The following ABCA4 variants were observed in gnomAD, a reference collection of about 807,000 sequenced individuals.
The protein encoded by ABCA4 is retinal-specific phospholipid-transporting ATPase ABCA4.
In ABCA4, 196 loss-of-function variants were observed where a neutral mutation model predicts 263.7. That is an observed-to-expected ratio of 0.74 (90% CI 0.66 to 0.84). ABCA4 has a LOEUF of 0.84. Ranked by LOEUF, ABCA4 falls within the 40% of genes least tolerant of loss-of-function variation. ABCA4 has a pLI of 0.00. For missense variants in ABCA4, 2,792 were observed against 2,855.1 expected (o/e 0.98, Z 0.50); for synonymous variants, 1,133 against 1,094.2 (o/e 1.04, Z -0.70).
rs767538553 is a variant in ABCA4, at chr1:94,040,020, A to G, written c.3607+23T>C. The G allele has an allele frequency of 7.0e-6, 11 of 1,579,210 alleles. No individual in the cohort carries two copies. The South Asian group carries it at 1.0e-4, about 15-fold the overall frequency. On this transcript the variant is annotated intron_variant, in intron 24 of 49. Transcript: ENST00000370225. ...GGAGATGGCTGCCAGACGGAACCCA[A>G]GTATGGCCCGTCCAGTCCTTACCAT...
At chr1:94,034,496 A>G (rs1660291559) in intron 26 of ABCA4, among the ~76,000 whole-genome samples, 3 of 152,064 alleles carry the variant, frequency 2.0e-5, no homozygotes, top group African/African-American at 7.2e-5. Context: ...GACCCTCTCC[A>G]TGCCACGCAT....
chr1:94,004,310 C>T (rs1236093146), intron 44 of ABCA4, among the ~76,000 whole-genome samples: 1 of 152,210 alleles, frequency 6.6e-6, no homozygotes, highest in East Asian at 1.9e-4. Flanking sequence ...TTGCTTTTCC[C>T]TTTTCCATAT....
chr1:94,073,145 C>T (rs1486676215), intron 11 of ABCA4, among the ~76,000 whole-genome samples: 1 of 152,208 alleles, frequency 6.6e-6, no homozygotes, highest in Non-Finnish European at 1.5e-5. Context: ...CTCCTCCAGA[C>T]TTCCCAAAAC....
chr1:94,055,289 T>C lies in ABCA4; in HGVS notation c.2409A>G (p.Gly803=), dbSNP rs1351514440. 1 of 1,613,788 alleles carries C rather than the reference T, an allele frequency of 6.2e-7. No individual in the cohort carries two copies. Among genetic ancestry groups the C allele is most frequent in the Non-Finnish European group, 8.5e-7 (1 of 1,179,960 alleles). Residue 803 remains glycine (G), a synonymous_variant, in exon 16 of 50, where the codon GGA becomes GGG. Coordinates refer to ENST00000370225, the MANE Select transcript of ABCA4 (RefSeq NM_000350.3). ...AGCGAACCAGGTACTCAGTGCCAAA[T>C]CCAAATGCCACCGGAGACAGTAAGC... ...AVSLLSPVAF[G]FGTEYLVRFE... is the part of the protein sequence containing the mutation.
chr1:94,077,668 T>C, intron 11 of ABCA4, 22 bp downstream of exon 11: 2 of 1,598,576 alleles, frequency 1.3e-6, no homozygotes, highest in Non-Finnish European at 8.5e-7. Context: ...AGGGGCCCAC[T>C]GTGGGGCTTG....
chr1:94,098,415 T>A (rs993538305), intron 6 of ABCA4, among the ~76,000 whole-genome samples: 1 of 152,214 alleles, frequency 6.6e-6, no homozygotes, highest in African/African-American at 2.4e-5. Context: ...GTTTTATAGA[T>A]GAGTACTGGG....
intron 1 of ABCA4, among the ~76,000 whole-genome samples, chr1:94,116,986 C>CTTTCTTTCTTTCTT (rs1662793794): frequency 1.8e-5 from 2 of 110,774 alleles, no homozygotes; most frequent in Non-Finnish European, 3.8e-5. Flanking sequence ...TTCTTTCTTT[C>CTTTCTTTCTTTCTT]TTTCTTTCTT....
chr1:94,026,336 A>G (rs1660038715), intron 30 of ABCA4, among the ~76,000 whole-genome samples: 1 of 152,128 alleles, frequency 6.6e-6, no homozygotes. Flanking sequence ...GTCGGGCACT[A>G]TGTTAAATGC....
At chr1:94,063,349 A>C in intron 11 of ABCA4, 32 bp from the exon 12 acceptor site, 5 of 1,600,624 alleles carry the variant, frequency 3.1e-6, no homozygotes, top group Non-Finnish European at 4.3e-6. Flanking sequence ...AGAGAGTGTG[A>C]GGAGGACCAA....
intron 47 of ABCA4, 50 bp downstream of exon 47, chr1:94,000,786 C>T (rs540052176): frequency 7.0e-6 from 11 of 1,575,522 alleles, no homozygotes; most frequent in South Asian, 1.1e-5. Flanking sequence ...ACACAGGATC[C>T]AGGTGGATCC....
At chr1:94,046,077 C>T in intron 19 of ABCA4, 2 of 388,320 alleles carry the variant, frequency 5.2e-6, no homozygotes, top group South Asian at 3.8e-5. Flanking sequence ...TTCTCCAGAA[C>T]GACCACTAAC....
intron 6 of ABCA4, among the ~76,000 whole-genome samples, chr1:94,091,757 G>T (rs2101124162): frequency 6.6e-6 from 1 of 152,326 alleles, no homozygotes; most frequent in South Asian, 2.1e-4. Context: ...AGATAAGGCT[G>T]TGAAGGGATC....
At chr1:94,087,905 C>T (rs1267785200) in intron 6 of ABCA4, among the ~76,000 whole-genome samples, 2 of 152,194 alleles carry the variant, frequency 1.3e-5, no homozygotes, top group Non-Finnish European at 2.9e-5. Context: ...TGAGGCTTCG[C>T]CAGCCCTTCC....
In ABCA4 at chr1:94,098,960, T is replaced by C; in HGVS notation, c.602A>G (p.Lys201Arg). ...GAGGGCCTCGCTGCAGGCGATGTCCTTCAGCGCCAGGTCCGGGACTCCATG... is the reference window on the plus strand; with the variant it reads ...GAGGGCCTCGCTGCAGGCGATGTCCCTCAGCGCCAGGTCCGGGACTCCATG... ...FAHGVPDLAL[K>R]DIACSEALLE... The change falls in exon 6 of 50, where the codon AAG becomes AGG. Residue 201 changes from lysine (K) to arginine (R), a missense_variant. Physicochemically the swap from Lys to Arg is conservative, Grantham distance 26. Coordinates refer to ENST00000370225, the MANE Select transcript of ABCA4 (RefSeq NM_000350.3). The C allele has an allele frequency of 6.2e-7, 1 of 1,611,444 alleles. No homozygotes were observed. Among genetic ancestry groups the C allele is most frequent in the Non-Finnish European group, 8.5e-7 (1 of 1,179,980 alleles).
At chr1:94,019,524 A>C in intron 36 of ABCA4, 58 bp downstream of exon 36, 2 of 1,534,654 alleles carry the variant, frequency 1.3e-6, no homozygotes, top group East Asian at 4.9e-5. Flanking sequence ...TTCAGAGCAC[A>C]CACAAGCTCC....
intron 4 of ABCA4, among the ~76,000 whole-genome samples, chr1:94,107,325 G>A (rs75117387): frequency 0.035 from 5,294 of 152,172 alleles, 153 homozygotes; most frequent in African/African-American, 0.079. Flanking sequence ...CAGAGGGCAC[G>A]CTCCACACCC....
rs1472004618 is a variant in ABCA4 at position 93,996,205 on chromosome 1, A to G, written c.6730-10T>C. ...CAAAATTTACAAACACCTAGAGGTA[A>G]GAGAAGAGCGAGATTAGGTAGATAT... On this transcript the variant is annotated splice_polypyrimidine_tract_variant and intron_variant, in intron 48 of 49. Transcript: ENST00000370225. 3.1e-6 allele frequency: 5 copies of G among 1,601,302 alleles called. No individual in the cohort carries two copies. The African/African-American group carries it at 4.0e-5, about 13-fold the overall frequency.
chr1:94,097,951 G>T (rs1570421804), intron 6 of ABCA4, among the ~76,000 whole-genome samples: 1 of 152,244 alleles, frequency 6.6e-6, no homozygotes, highest in East Asian at 1.9e-4. Flanking sequence ...TAGAGACGGG[G>T]TTTCACCGTG....
intron 38 of ABCA4, 23 bp downstream of exon 38, chr1:94,014,516 CAAAA>C (rs772800924): frequency 4.3e-6 from 7 of 1,613,514 alleles, no homozygotes; most frequent in Non-Finnish European, 5.9e-6. Context: ...ACTAATCAAA[CAAAA>C]AAGCCAAGAA....
Sources: allele counts gnomAD v4.1 joint callset (sites outside exome capture counted in the v4.1 genomes callset), GRCh38; gene constraint gnomAD v4.1.1; transcripts MANE v1.5; gene names NCBI Gene and HGNC (gene_info 2026-07-23, HGNC 2026-07-21).